Variants in RPS6KC1 observed in about 807,000 individuals in gnomAD.
RPS6KC1 encodes the protein inactive ribosomal protein S6 kinase delta-1.
A neutral mutation model predicts 103.8 loss-of-function variants in RPS6KC1; 54 were observed. That is an observed-to-expected ratio of 0.52 (90% CI 0.42 to 0.65). The LOEUF (loss-of-function observed/expected upper bound fraction) is 0.65, where lower values mean the gene tolerates loss of function less well. Among genes scored for constraint, RPS6KC1 ranks in the 30% least tolerant of loss-of-function variants. RPS6KC1 has a pLI of 0.00. For synonymous variants in RPS6KC1, 439 were observed against 438.7 expected (o/e 1.00, Z -0.01); for missense variants, 1,151 against 1,253.8 (o/e 0.92, Z 1.24).
At chr1:213,527,409 A>G in the RPS6KC1 span, among the ~76,000 whole-genome samples, 5 of 152,220 alleles carry the variant, frequency 3.3e-5, no homozygotes, top group South Asian at 8.3e-4. Context: ...CTAGAACCCC[A>G]GAGTCAGTAA....
At chr1:213,741,432 C>T in the RPS6KC1 span, among the ~76,000 whole-genome samples, 3 of 152,072 alleles carry the variant, frequency 2.0e-5, no homozygotes, top group Non-Finnish European at 2.9e-5. Flanking sequence ...AAAGGCGCCG[C>T]TCCAGAATTT....
intron 3 of RPS6KC1, among the ~76,000 whole-genome samples, chr1:213,085,914 C>T (rs978918629): frequency 3.9e-5 from 6 of 151,956 alleles, no homozygotes; most frequent in Admixed American, 3.3e-4. Flanking sequence ...TCCTCTCATC[C>T]TATTTTCTTT....
the RPS6KC1 span, among the ~76,000 whole-genome samples, chr1:213,744,059 A>T: frequency 6.6e-6 from 1 of 152,156 alleles, no homozygotes; most frequent in East Asian, 1.9e-4. Context: ...GTTCTCACTT[A>T]TAAGTGGGAG....
intron 6 of RPS6KC1, among the ~76,000 whole-genome samples, chr1:213,162,791 A>G (rs2148105963): frequency 1.3e-5 from 2 of 152,376 alleles, no homozygotes; most frequent in South Asian, 4.1e-4. Flanking sequence ...GACATTATTG[A>G]AAACAATCAT....
chr1:213,081,300 C>T (rs947770070), intron 3 of RPS6KC1, among the ~76,000 whole-genome samples: 1 of 152,146 alleles, frequency 6.6e-6, no homozygotes, highest in Non-Finnish European at 1.5e-5. Context: ...ATTGCTTCCA[C>T]TCATGGCAGA....
chr1:213,115,145 T>A (rs1175366755), intron 4 of RPS6KC1, among the ~76,000 whole-genome samples: 1 of 152,256 alleles, frequency 6.6e-6, no homozygotes, highest in African/African-American at 2.4e-5. Flanking sequence ...CTCATCTTTG[T>A]ACCTCTGGTA....
At chr1:213,387,935 G>A in the RPS6KC1 span, among the ~76,000 whole-genome samples, 1 of 152,338 alleles carries the variant, frequency 6.6e-6, no homozygotes, top group East Asian at 1.9e-4. Context: ...GTCTGTCTGG[G>A]TTATCTGTTG....
chr1:213,133,475 G>C (rs567909733), intron 6 of RPS6KC1, among the ~76,000 whole-genome samples: 2 of 152,144 alleles, frequency 1.3e-5, no homozygotes, highest in Non-Finnish European at 2.9e-5. Flanking sequence ...ACTGGACTTT[G>C]TCTAAGGACA....
intron 8 of RPS6KC1, among the ~76,000 whole-genome samples, chr1:213,212,563 G>A (rs2093541149): frequency 6.6e-6 from 1 of 152,164 alleles, no homozygotes; most frequent in Admixed American, 6.5e-5. Flanking sequence ...GGGTTTTTGT[G>A]GACATGCATT....
intron 8 of RPS6KC1, among the ~76,000 whole-genome samples, chr1:213,219,403 T>C (rs2093762776): frequency 1.3e-5 from 2 of 152,208 alleles, no homozygotes; most frequent in African/African-American, 4.8e-5. Context: ...ACTTGTACAC[T>C]GTTGGTGGGA....
chr1:213,589,914 C>T, the RPS6KC1 span, among the ~76,000 whole-genome samples: 6 of 26,226 alleles, frequency 2.3e-4, no homozygotes, highest in African/African-American at 3.9e-4. Flanking sequence ...TGTGTTTTGC[C>T]TTATTCTTGT....
chr1:213,853,938 C>T, the RPS6KC1 span, among the ~76,000 whole-genome samples: 2 of 152,170 alleles, frequency 1.3e-5, no homozygotes. Flanking sequence ...AAATATAACA[C>T]CAGCATTGAG....
chr1:213,620,283 G>C, the RPS6KC1 span, among the ~76,000 whole-genome samples: 1 of 152,242 alleles, frequency 6.6e-6, no homozygotes, highest in Non-Finnish European at 1.5e-5. Flanking sequence ...GTCACTCAAT[G>C]TTATCCAGCT....
the RPS6KC1 span, among the ~76,000 whole-genome samples, chr1:213,558,822 G>A: frequency 1.3e-5 from 2 of 152,192 alleles, no homozygotes; most frequent in African/African-American, 4.8e-5. Context: ...ACATGGAGCT[G>A]TAACCAATCT....
the RPS6KC1 span, among the ~76,000 whole-genome samples, chr1:213,436,467 G>A: frequency 2.0e-5 from 3 of 152,114 alleles, no homozygotes; most frequent in Non-Finnish European, 4.4e-5. Context: ...TTTTCAACAT[G>A]GATGTCCAGG....
At chr1:213,360,017 A>G in the RPS6KC1 span, among the ~76,000 whole-genome samples, 77 of 152,256 alleles carry the variant, frequency 5.1e-4, 2 homozygotes, top group South Asian at 0.016. Context: ...ACTTTGGTGA[A>G]TCTGACAATT....
the RPS6KC1 span, among the ~76,000 whole-genome samples, chr1:213,326,791 G>A: frequency 5.3e-5 from 8 of 151,672 alleles, no homozygotes; most frequent in African/African-American, 1.9e-4. Context: ...TACGCATTAG[G>A]CCACTCTTGG....
At chr1:213,480,206 C>A in the RPS6KC1 span, among the ~76,000 whole-genome samples, 1 of 151,970 alleles carries the variant, frequency 6.6e-6, no homozygotes, top group South Asian at 2.1e-4. Context: ...GGAGCATTTT[C>A]TGATATTTAG....
intron 8 of RPS6KC1, among the ~76,000 whole-genome samples, chr1:213,213,049 G>A (rs2093558002): frequency 6.6e-6 from 1 of 152,092 alleles, no homozygotes; most frequent in Admixed American, 6.5e-5. Flanking sequence ...TTTTCATGGA[G>A]CATAAGTTTT....
Sources: gnomAD v4.1 joint callset for allele counts (sites outside exome capture counted in the v4.1 genomes callset) on GRCh38, gnomAD v4.1.1 for gene constraint, MANE v1.5 for transcripts, NCBI Gene and HGNC (gene_info 2026-07-23, HGNC 2026-07-21) for gene names.